Variants in NCOA7 observed in about 807,000 individuals in gnomAD.
NCOA7 encodes the protein 140 kDa estrogen receptor-associated protein.
In NCOA7, 45 loss-of-function variants were observed where a neutral mutation model predicts 104.3. The ratio of observed to expected loss-of-function variants is 0.43; its 90% confidence interval spans 0.34 to 0.55. The LOEUF is 0.55. Ranked by LOEUF, NCOA7 falls within the 20% of genes least tolerant of loss-of-function variation. The pLI is 0.02. For synonymous variants in NCOA7, 398 were observed against 402.3 expected, an observed-to-expected ratio of 0.99 and a Z score of 0.13; for missense variants, 1,041 against 1,119.7, an observed-to-expected ratio of 0.93 and a Z score of 1.00.
intron 1 of NCOA7, among the ~76,000 whole-genome samples, chr6:125,812,995 G>A (rs1217741166): frequency 1.3e-5 from 2 of 152,068 alleles, no homozygotes; most frequent in Non-Finnish European, 2.9e-5. Context: ...CCCTCAATTA[G>A]TTTGACTGTA....
intron 5 of NCOA7, among the ~76,000 whole-genome samples, chr6:125,880,519 A>G (rs1181121160): frequency 6.7e-6 from 1 of 149,428 alleles, no homozygotes; most frequent in Admixed American, 6.7e-5. Context: ...ATTTATTTAT[A>G]TTTTATTTTA....
intron 2 of NCOA7, among the ~76,000 whole-genome samples, chr6:125,830,300 T>C (rs1779057558): frequency 6.6e-6 from 1 of 152,188 alleles, no homozygotes; most frequent in African/African-American, 2.4e-5. Flanking sequence ...CCCTGAACCT[T>C]TTCCAGGATG....
chr6:125,909,820 A>AG (rs1786362576), intron 10 of NCOA7, among the ~76,000 whole-genome samples: 1 of 152,104 alleles, frequency 6.6e-6, no homozygotes, highest in African/African-American at 2.4e-5. Context: ...AGAAAAAAAA[A>AG]GAAAGGACTT....
At chr6:125,858,741 T>C (rs1781803598) in intron 3 of NCOA7, among the ~76,000 whole-genome samples, 1 of 152,150 alleles carries the variant, frequency 6.6e-6, no homozygotes, top group Non-Finnish European at 1.5e-5. Context: ...AGTGCTTAGA[T>C]AAAACCTCTA....
chr6:125,890,956 T>A, intron 10 of NCOA7, 146 bp downstream of exon 10: 1 of 841,664 alleles, frequency 1.2e-6, no homozygotes, highest in Non-Finnish European at 1.7e-6. Flanking sequence ...GGATATTATT[T>A]AAAGGGACTT....
intron 2 of NCOA7, 38 bp from the exon 3 acceptor site, chr6:125,854,982 C>G: frequency 7.2e-7 from 1 of 1,383,648 alleles, no homozygotes; most frequent in Non-Finnish European, 1.0e-6. Context: ...AGCAAATCAT[C>G]TCTCCAATGT....
In NCOA7 at chr6:125,920,861, G is replaced by A. The variant is rs1787512709; in HGVS notation, c.2245-82G>A. 3 of 1,528,944 alleles carry A rather than the reference G, an allele frequency of 2.0e-6. No individual in the cohort carries two copies. In the South Asian group the frequency reaches 3.5e-5, roughly 18 times the overall value. The allele number at this position is 1,528,944 out of a possible 1,614,324, so 94.7% of individuals were successfully genotyped here. On this transcript the variant is annotated intron_variant, in intron 11 of 15. Coordinates refer to ENST00000392477, the MANE Select transcript of NCOA7 (RefSeq NM_181782.5). ...CGAAGCGTCACCTTTTCAAGCACGG[G>A]TGTCCCTAGAGTGATTTTTTAAATT...
At chr6:125,890,509 G>C (rs993070189) in intron 9 of NCOA7, 133 bp from the exon 10 acceptor site, 1 of 866,626 alleles carries the variant, frequency 1.2e-6, no homozygotes, top group Non-Finnish European at 1.7e-6. Context: ...TATTAGTCCT[G>C]ATACGATGTT....
At chr6:125,886,280 C>G (rs1784255451) in intron 8 of NCOA7, among the ~76,000 whole-genome samples, 1 of 152,086 alleles carries the variant, frequency 6.6e-6, no homozygotes, top group Non-Finnish European at 1.5e-5. Flanking sequence ...TCCCCAACCT[C>G]AAGCCACTAA....
At chr6:125,814,385 A>G (rs1239188869) in intron 1 of NCOA7, among the ~76,000 whole-genome samples, 3 of 152,256 alleles carry the variant, frequency 2.0e-5, no homozygotes, top group Admixed American at 6.5e-5. Flanking sequence ...CAAACTACCA[A>G]TCTCAAGTGT....
intron 10 of NCOA7, among the ~76,000 whole-genome samples, chr6:125,911,781 T>C (rs1219979971): frequency 6.6e-6 from 1 of 152,198 alleles, no homozygotes; most frequent in East Asian, 1.9e-4. Context: ...TTCAAGTGGC[T>C]CATGGCTCGT....
intron 10 of NCOA7, among the ~76,000 whole-genome samples, chr6:125,907,934 G>A (rs1786178182): frequency 6.6e-6 from 1 of 152,130 alleles, no homozygotes; most frequent in East Asian, 1.9e-4. Flanking sequence ...ACGACTCTAA[G>A]CCTCTATTGT....
intron 2 of NCOA7, among the ~76,000 whole-genome samples, chr6:125,831,360 A>G (rs1779168913): frequency 6.6e-6 from 1 of 152,116 alleles, no homozygotes; most frequent in South Asian, 2.1e-4. Context: ...AGAAGTCAAT[A>G]ATTTATCTTC....
intron 1 of NCOA7, among the ~76,000 whole-genome samples, chr6:125,782,127 T>C (rs1166039692): frequency 6.6e-6 from 1 of 152,238 alleles, no homozygotes; most frequent in Non-Finnish European, 1.5e-5. Flanking sequence ...CATTTTTAAA[T>C]GAGAATAATT....
At chr6:125,832,712 G>A (rs964560854) in intron 2 of NCOA7, among the ~76,000 whole-genome samples, 1 of 152,200 alleles carries the variant, frequency 6.6e-6, no homozygotes, top group Non-Finnish European at 1.5e-5. Flanking sequence ...TTTGGCTGGT[G>A]GGCTGTTCAG....
intron 10 of NCOA7, among the ~76,000 whole-genome samples, chr6:125,895,485 T>C (rs1184700914): frequency 6.6e-6 from 1 of 152,194 alleles, no homozygotes; most frequent in Non-Finnish European, 1.5e-5. Context: ...ATTTTGCAAT[T>C]GGCTTTTTTC....
At chr6:125,830,735 ATATG>A (rs1415184489) in intron 2 of NCOA7, among the ~76,000 whole-genome samples, 63 of 133,908 alleles carry the variant, frequency 4.7e-4, no homozygotes, top group South Asian at 1.8e-3. Context: ...ATATATATAT[ATATG>A]TGTGTGTGTG....
intron 1 of NCOA7, among the ~76,000 whole-genome samples, chr6:125,813,092 C>T (rs1777204205): frequency 1.3e-5 from 2 of 152,210 alleles, no homozygotes; most frequent in South Asian, 4.1e-4. Flanking sequence ...TGCTACACTC[C>T]CTCATGGAGA....
At chr6:125,784,119 G>A (rs1774353567) in intron 1 of NCOA7, among the ~76,000 whole-genome samples, 1 of 152,140 alleles carries the variant, frequency 6.6e-6, no homozygotes, top group Admixed American at 6.5e-5. Context: ...GAAAAATCAT[G>A]GCATCCAATT....
Sources: allele counts gnomAD v4.1 joint callset (sites outside exome capture counted in the v4.1 genomes callset), GRCh38; gene constraint gnomAD v4.1.1; transcripts MANE v1.5; gene names NCBI Gene and HGNC (gene_info 2026-07-23, HGNC 2026-07-21).